Variants in BNC2 observed in about 807,000 individuals in gnomAD.
BNC2 encodes zinc finger protein basonuclin-2.
BNC2 carries 20 observed loss-of-function variants against 76.3 expected under a neutral mutation model. The observed-to-expected ratio is 0.26, with a 90% CI of 0.18 to 0.38. The LOEUF (loss-of-function observed/expected upper bound fraction) is 0.38, where lower values mean the gene tolerates loss of function less well. Among genes scored for constraint, BNC2 ranks in the 10% least tolerant of loss-of-function variants. The pLI, the probability that BNC2 is intolerant of heterozygous loss-of-function variation, is 1.00. For synonymous variants in BNC2, 582 were observed against 514.8 expected (o/e 1.13, Z -1.77); for missense variants, 1,382 against 1,399.8 (o/e 0.99, Z 0.20).
At chr9:16,557,867 T>C (rs577302778) in intron 4 of BNC2, among the ~76,000 whole-genome samples, 1 of 152,068 alleles carries the variant, frequency 6.6e-6, no homozygotes, top group East Asian at 1.9e-4. Flanking sequence ...TGTTGTTTGT[T>C]TGTTTTTTTT....
chr9:16,786,736 C>A (rs1826304774), intron 1 of BNC2, among the ~76,000 whole-genome samples: 1 of 152,030 alleles, frequency 6.6e-6, no homozygotes, highest in African/African-American at 2.4e-5. Flanking sequence ...TGCTGGGAAC[C>A]CACAGGATGA....
rs538124188 is a variant in BNC2 at position 16,755,857 on chromosome 9, C to T, written c.4-17372G>A. ...TATAAAAGACCATTTTATCCTTCTC[C>T]GCTTTTCTTAGGAGTGTTTCCTTGG... On this transcript the variant is annotated intron_variant, in intron 1 of 6. Transcript: ENST00000380672. Among the ~76,000 whole-genome samples the T allele has an allele frequency of 6.2e-4, 94 of 152,274 alleles. 1 individual carries two copies. Among genetic ancestry groups the T allele is most frequent in the Admixed American group, 6.1e-3 (94 of 15,302 alleles).
chr9:16,479,565 C>G (rs1416099672), intron 5 of BNC2, among the ~76,000 whole-genome samples: 1 of 152,158 alleles, frequency 6.6e-6, no homozygotes, highest in African/African-American at 2.4e-5. Context: ...TATCTACCAT[C>G]TAAATTCTAC....
Position 16,695,887 on chromosome 9 carries a change from TTTC to T in BNC2, c.330+31907_330+31909del, listed in dbSNP as rs1468595287. 2.0e-5 allele frequency among the ~76,000 whole-genome samples: 3 copies of T among 152,310 alleles called. No homozygotes were observed. In the East Asian group the frequency reaches 5.8e-4, roughly 29 times the overall value. The stretch of plus-strand genomic sequence containing the variant: ...CAAGCAAATAGGTTCACTGGTCTCC[TTTC>T]TTTACTACAGCTTTCCCTGGATTTT... On this transcript the variant is annotated intron_variant, in intron 3 of 6. Coordinates refer to ENST00000380672, the MANE Select transcript of BNC2 (RefSeq NM_017637.6).
chr9:16,817,042 G>C (rs1215542697), intron 1 of BNC2, among the ~76,000 whole-genome samples: 4 of 152,154 alleles, frequency 2.6e-5, no homozygotes, highest in Non-Finnish European at 2.9e-5. Context: ...TTTCCATTTA[G>C]GAAAACCTTC....
At chr9:16,552,417 A>C in intron 5 of BNC2, 113 bp downstream of exon 5, 2 of 879,820 alleles carry the variant, frequency 2.3e-6, no homozygotes, top group South Asian at 1.4e-5. Flanking sequence ...TGAAACGACC[A>C]CTTTAACCAG....
chr9:16,597,102 T>C (rs2133247534), intron 3 of BNC2, among the ~76,000 whole-genome samples: 1 of 152,230 alleles, frequency 6.6e-6, no homozygotes, highest in South Asian at 2.1e-4. Context: ...TCAAAGTATA[T>C]TAGCTATTGA....
chr9:16,845,104 G>C (rs370693007), intron 1 of BNC2, among the ~76,000 whole-genome samples: 202 of 152,212 alleles, frequency 1.3e-3, no homozygotes, highest in Middle Eastern at 6.8e-3. Flanking sequence ...CCTATCAGTC[G>C]GGCTGGGGGC....
chr9:16,604,759 C>T (rs542039175), intron 3 of BNC2, among the ~76,000 whole-genome samples: 12 of 152,092 alleles, frequency 7.9e-5, no homozygotes, highest in African/African-American at 2.4e-4. Flanking sequence ...GCCGAGATCG[C>T]GTCACTACAC....
chr9:16,562,146 G>C (rs149001277), intron 4 of BNC2, among the ~76,000 whole-genome samples: 1 of 152,276 alleles, frequency 6.6e-6, no homozygotes, highest in East Asian at 1.9e-4. Flanking sequence ...TGTAAAATGG[G>C]CAATGATAAT....
At chr9:16,804,907 C>T (rs1258574648) in intron 1 of BNC2, among the ~76,000 whole-genome samples, 2 of 151,888 alleles carry the variant, frequency 1.3e-5, no homozygotes, top group African/African-American at 4.8e-5. Flanking sequence ...ACTAAAAATA[C>T]AAAAATTAGC....
chr9:16,651,198 A>G (rs888284408), intron 3 of BNC2, among the ~76,000 whole-genome samples: 2 of 152,330 alleles, frequency 1.3e-5, no homozygotes, highest in East Asian at 1.9e-4. Flanking sequence ...TGTTGTAACT[A>G]TATCTACCTG....
chr9:16,841,809 A>C (rs1044096714), intron 1 of BNC2, among the ~76,000 whole-genome samples: 2 of 79,780 alleles, frequency 2.5e-5, no homozygotes, highest in Admixed American at 4.2e-4. Context: ...ATTATTATCA[A>C]ATTTGTTTTT....
At chr9:16,833,588 T>C (rs1818633626) in intron 1 of BNC2, among the ~76,000 whole-genome samples, 1 of 152,206 alleles carries the variant, frequency 6.6e-6, no homozygotes, top group Non-Finnish European at 1.5e-5. Flanking sequence ...CAAGTGTTAC[T>C]GTCCTTGCAG....
At chr9:16,497,079 A>G (rs1822406356) in intron 5 of BNC2, among the ~76,000 whole-genome samples, 1 of 152,254 alleles carries the variant, frequency 6.6e-6, no homozygotes, top group African/African-American at 2.4e-5. Flanking sequence ...ATTGCCTGGC[A>G]GGAAGGGGAA....
intron 6 of BNC2, among the ~76,000 whole-genome samples, chr9:16,430,355 C>T (rs992661994): frequency 6.6e-6 from 1 of 152,082 alleles, no homozygotes; most frequent in Non-Finnish European, 1.5e-5. Context: ...AGGGGATTAC[C>T]ACATCGTATT....
intron 5 of BNC2, among the ~76,000 whole-genome samples, chr9:16,524,662 AC>A (rs1181528436): frequency 6.6e-6 from 1 of 152,238 alleles, no homozygotes; most frequent in African/African-American, 2.4e-5. Context: ...CATTAAAATA[AC>A]AATACAGTGG....
intron 1 of BNC2, among the ~76,000 whole-genome samples, chr9:16,740,818 G>A (rs146514559): frequency 3.6e-4 from 54 of 151,998 alleles, no homozygotes; most frequent in African/African-American, 1.2e-3. Context: ...ATATGATCAA[G>A]AGCACAAATG....
chr9:16,730,260 C>T (rs59234174), intron 2 of BNC2, among the ~76,000 whole-genome samples: 25,185 of 152,128 alleles, frequency 0.17, 2,103 homozygotes, highest in East Asian at 0.26. Context: ...GGCTCAGCAA[C>T]GGATCAATTA....
Sources: gnomAD v4.1 joint callset for allele counts (sites outside exome capture counted in the v4.1 genomes callset) on GRCh38, gnomAD v4.1.1 for gene constraint, MANE v1.5 for transcripts, NCBI Gene and HGNC (gene_info 2026-07-23, HGNC 2026-07-21) for gene names.